MTOR: variants seen among roughly 807,000 people sequenced by gnomAD.
The protein encoded by MTOR is serine/threonine-protein kinase mTOR.
Under a neutral mutation model 319.8 loss-of-function variants are expected in MTOR, and 70 were observed. The ratio of observed to expected loss-of-function variants is 0.22; its 90% CI spans 0.18 to 0.27. The LOEUF (loss-of-function observed/expected upper bound fraction) is 0.27, where lower values mean the gene tolerates loss of function less well. MTOR is among the 10% of genes least tolerant of loss of function. The pLI is 1.00. For synonymous variants in MTOR, 1,183 were observed against 1,211.4 expected (o/e 0.98, Z 0.49); for missense variants, 1,890 against 3,274.4 (o/e 0.58, Z 10.32).
Position 11,193,665 on chromosome 1 carries a change from G to A in MTOR, c.4253+5593C>T, listed in dbSNP as rs145750805. 1.7e-4 allele frequency: 273 copies of A among 1,614,076 alleles called. 1 individual carries two copies. The African/African-American group carries it at 3.0e-3, about 18-fold the overall frequency. Reference sequence around the variant, plus strand: ...GGCCTTGTCTCCTTCTACCGGGACTGGAAGCAGTACAAGCAGGGCTTTGGC... The same window carrying A: ...GGCCTTGTCTCCTTCTACCGGGACTAGAAGCAGTACAAGCAGGGCTTTGGC... On this transcript the variant is annotated intron_variant, in intron 28 of 57. Transcript: ENST00000361445.
chr1:11,200,639 T>C lies in MTOR; in HGVS notation c.3945-936A>G, dbSNP rs540306972. The stretch of plus-strand genomic sequence containing the variant: ...ATATTAACAGGTTAAGTTAGACCAA[T>C]GTGTATAATTTTGGAATTTGATAGA... On this transcript the variant is annotated intron_variant, in intron 26 of 57. Coordinates refer to ENST00000361445, the MANE Select transcript of MTOR (RefSeq NM_004958.4). 6.6e-5 allele frequency among the ~76,000 whole-genome samples: 10 copies of C among 152,280 alleles called. No individual in the cohort carries two copies. In the East Asian group the frequency reaches 1.7e-3, roughly 26 times the overall value.
rs1650355078 is a variant in MTOR, at chr1:11,255,981, C to T, written c.705+11G>A. 5 of 1,609,130 alleles carry T rather than the reference C, an allele frequency of 3.1e-6. No individual in the cohort carries two copies. Among genetic ancestry groups the T allele is most frequent in the African/African-American group, 1.3e-5 (1 of 74,806 alleles). On this transcript the variant is annotated intron_variant, in intron 5 of 57. Transcript: ENST00000361445. ...GCTTTGCTAGTGGTGGGAATGGAGC[C>T]ATCTCCTTACCCTGTACCACTGAGG...
chr1:11,240,902 A>C (rs564342117), intron 10 of MTOR, among the ~76,000 whole-genome samples: 8 of 152,102 alleles, frequency 5.3e-5, no homozygotes, highest in Non-Finnish European at 7.3e-5. Context: ...AATAATATAC[A>C]CAATATTTGC....
chr1:11,259,149 T>A, intron 2 of MTOR, 99 bp downstream of exon 2: 1 of 1,448,972 alleles, frequency 6.9e-7, no homozygotes, highest in Admixed American at 2.3e-5. Flanking sequence ...ATCTCTGTTT[T>A]CCAAATCCTC....
chr1:11,192,367 G>C (rs1188095196), intron 28 of MTOR: 2 of 1,609,840 alleles, frequency 1.2e-6, no homozygotes, highest in African/African-American at 2.7e-5. Context: ...GCCCTGAACT[G>C]GAGGTGAGGT....
chr1:11,118,889 A>G (rs895934885), intron 49 of MTOR, among the ~76,000 whole-genome samples: 9 of 151,582 alleles, frequency 5.9e-5, no homozygotes, highest in African/African-American at 2.2e-4. Flanking sequence ...GGCCTCCCCA[A>G]GTGTTGGGAT....
chr1:11,205,498 G>A (rs1174088384), intron 25 of MTOR, among the ~76,000 whole-genome samples: 4 of 152,208 alleles, frequency 2.6e-5, no homozygotes, highest in East Asian at 3.8e-4. Context: ...GTTAATAAAT[G>A]TAATGAATTT....
intron 25 of MTOR, among the ~76,000 whole-genome samples, chr1:11,205,783 T>A (rs971080367): frequency 6.6e-6 from 1 of 152,248 alleles, no homozygotes; most frequent in Non-Finnish European, 1.5e-5. Context: ...ACTTTTAAAA[T>A]ATGTTCTTCA....
At position 11,189,989 on chromosome 1, in the gene MTOR, T is replaced by TGCC. The variant is rs759749539; in HGVS notation, c.4253+9266_4253+9268dup. The TGCC allele has an allele frequency of 4.5e-6, 7 of 1,570,750 alleles. No homozygotes were observed. In the African/African-American group the frequency reaches 9.4e-5, roughly 21 times the overall value. On this transcript the variant is annotated intron_variant, in intron 28 of 57. Coordinates refer to ENST00000361445, the MANE Select transcript of MTOR (RefSeq NM_004958.4). ...ACCAGTCCCCTGAGGGAGCGTGGAG[T>TGCC]GCCTCCCCATCTACAGCACTGCTTC...
intron 13 of MTOR, among the ~76,000 whole-genome samples, chr1:11,235,771 C>G (rs990995302): frequency 1.3e-5 from 2 of 152,068 alleles, no homozygotes; most frequent in Admixed American, 1.3e-4. Context: ...ACCATGAGGT[C>G]AAGAGATTGA....
At chr1:11,234,014 C>A (rs1647109337) in intron 14 of MTOR, 129 bp downstream of exon 14, 1 of 1,380,656 alleles carries the variant, frequency 7.2e-7, no homozygotes, top group Non-Finnish European at 1.0e-6. Flanking sequence ...GCCCTTTGGT[C>A]TCCAAGCGTG....
chr1:11,183,363 GCTCAAGCAATCCTTCCAC>G (rs1378662321), intron 28 of MTOR, among the ~76,000 whole-genome samples: 1 of 151,988 alleles, frequency 6.6e-6, no homozygotes, highest in Admixed American at 6.6e-5. Flanking sequence ...CAACTCTTGG[GCTCAAGCAATCCTTCCAC>G]CTCAACCTCC....
At chr1:11,198,350 G>C (rs1393733259) in intron 28 of MTOR, among the ~76,000 whole-genome samples, 1 of 151,984 alleles carries the variant, frequency 6.6e-6, no homozygotes, top group African/African-American at 2.4e-5. Context: ...CTATCTTTTC[G>C]CTAACTTTTT....
At position 11,210,499 on chromosome 1, in the gene MTOR, G is replaced by GA. The variant is rs145208470; in HGVS notation, c.3654+314dup. ...TTTTATACTTTTAAATGGTTGGGGG[G>GA]AAAAAAAATCAAAAGAAGATTGATA... On this transcript the variant is annotated intron_variant, in intron 24 of 57. Transcript: ENST00000361445. Among the ~76,000 whole-genome samples the GA allele has an allele frequency of 6.8e-3, 1,033 of 151,786 alleles. 14 individuals carry two copies. Among genetic ancestry groups the GA allele is most frequent in the African/African-American group, 0.024 (998 of 41,384 alleles).
At chr1:11,148,149 T>C (rs1490507320) in intron 31 of MTOR, among the ~76,000 whole-genome samples, 1 of 152,058 alleles carries the variant, frequency 6.6e-6, no homozygotes, top group Non-Finnish European at 1.5e-5. Flanking sequence ...AAACATGACA[T>C]GGGGAGCTCC....
intron 11 of MTOR, among the ~76,000 whole-genome samples, chr1:11,238,828 T>C: frequency 6.7e-6 from 1 of 150,276 alleles, no homozygotes; most frequent in East Asian, 2.0e-4. Context: ...AGTGGCGCAA[T>C]CTCCACTCAC....
In MTOR at chr1:11,256,136, C is replaced by T. The variant is rs1291045794; in HGVS notation, c.561G>A (p.Val187=). ...CAAAAATGTTGTCAAAGAAGGGTTGCACTTGCTGGAAGAAGAAGGTAGGGA... is the reference window on the plus strand; with the variant it reads ...CAAAAATGTTGTCAAAGAAGGGTTGTACTTGCTGGAAGAAGAAGGTAGGGA... The part of the protein sequence containing the change: ...ISVPTFFFQQ[V]QPFFDNIFVA... Residue 187 remains valine (V), a synonymous_variant, in exon 5 of 58, where the codon GTG becomes GTA. Coordinates refer to ENST00000361445, the MANE Select transcript of MTOR (RefSeq NM_004958.4). 1 of 1,614,054 alleles carries T rather than the reference C, an allele frequency of 6.2e-7. No homozygotes were observed. The highest frequency in any genetic ancestry group is 2.2e-5 in the East Asian group (1 of 44,886).
rs35865993 is a variant in MTOR at position 11,244,296 on chromosome 1, T to TAAAAA, written c.1226-1001_1226-997dup. Among the ~76,000 whole-genome samples the TAAAAA allele has an allele frequency of 3.5e-3, 307 of 88,912 alleles. 8 individuals are homozygous for TAAAAA. Among genetic ancestry groups the TAAAAA allele is most frequent in the Middle Eastern group, 0.025 (2 of 80 alleles). 58.3% of individuals were successfully genotyped at this position (88,912 alleles called of 152,430 possible). A position where few individuals can be genotyped will look rare whatever the true frequency, so the allele number is the denominator to read the frequency against. On this transcript the variant is annotated intron_variant, in intron 8 of 57. Coordinates refer to ENST00000361445, the MANE Select transcript of MTOR (RefSeq NM_004958.4). ...AACAAGAGCAAAACTACATCTCATT[T>TAAAAA]AAAAAAAAAAAAAAAAAAAAGACCC...
chr1:11,255,923 C>A, intron 5 of MTOR, 69 bp downstream of exon 5: 1 of 1,447,914 alleles, frequency 6.9e-7, no homozygotes, highest in Non-Finnish European at 9.5e-7. Context: ...CTTGTGGCTG[C>A]CCTTTAGGCC....
Sources: gnomAD v4.1 joint callset for allele counts (sites outside exome capture counted in the v4.1 genomes callset) on GRCh38, gnomAD v4.1.1 for gene constraint, MANE v1.5 for transcripts, NCBI Gene and HGNC (gene_info 2026-07-23, HGNC 2026-07-21) for gene names.